RAD51B: variants seen among roughly 807,000 people sequenced by gnomAD.
RAD51B encodes RAD51 paralog B.
A neutral mutation model predicts 42.2 loss-of-function variants in RAD51B; 38 were observed. The ratio of observed to expected loss-of-function variants is 0.90; its 90% CI spans 0.70 to 1.18. The LOEUF (loss-of-function observed/expected upper bound fraction) is 1.18. Among genes scored for constraint, RAD51B ranks in the 50% most tolerant of loss-of-function variants. RAD51B has a pLI of 0.00. For synonymous variants in RAD51B, 154 were observed against 145.2 expected (o/e 1.06, Z -0.43); for missense variants, 373 against 400.7 (o/e 0.93, Z 0.59).
chr14:67,878,794 G>T (rs181952356), intron 5 of RAD51B, among the ~76,000 whole-genome samples: 1 of 152,142 alleles, frequency 6.6e-6, no homozygotes, highest in East Asian at 1.9e-4. Flanking sequence ...CCACTTCCTG[G>T]GTTCAAGCGA....
chr14:68,552,288 T>C (rs1431783599), intron 10 of RAD51B, among the ~76,000 whole-genome samples: 1 of 152,168 alleles, frequency 6.6e-6, no homozygotes, highest in African/African-American at 2.4e-5. Context: ...CTCCCAGGCA[T>C]TGGGATTGGG....
intron 7 of RAD51B, among the ~76,000 whole-genome samples, chr14:68,148,483 G>A (rs1446332224): frequency 1.3e-5 from 2 of 152,204 alleles, no homozygotes; most frequent in African/African-American, 2.4e-5. Flanking sequence ...AGCATTTGGC[G>A]ATGTCATTGC....
Position 68,188,189 on chromosome 14 carries a change from G to A in RAD51B, c.757-103695G>A, listed in dbSNP as rs371553716. Among the ~76,000 whole-genome samples, 8 of 151,660 alleles carry A rather than the reference G, an allele frequency of 5.3e-5. No homozygotes were observed. In the South Asian group the frequency reaches 1.0e-3, roughly 20 times the overall value. ...ATATTCTTTCAGAGTCATTTAGTCC[G>A]TGATTTCAGTGGTACATGTCTTACA... On this transcript the variant is annotated intron_variant, in intron 7 of 10. Coordinates refer to ENST00000471583, the MANE Select transcript of RAD51B (RefSeq NM_133510.4).
At chr14:68,578,374 G>T (rs1890059904) in intron 10 of RAD51B, among the ~76,000 whole-genome samples, 1 of 152,154 alleles carries the variant, frequency 6.6e-6, no homozygotes, top group Non-Finnish European at 1.5e-5. Context: ...TTGCACCATT[G>T]CACTCCAGCT....
chr14:68,650,022 GAC>G (rs1224958838), intron 10 of RAD51B, among the ~76,000 whole-genome samples: 2 of 152,186 alleles, frequency 1.3e-5, no homozygotes, highest in African/African-American at 4.8e-5. Context: ...TGGTCTGGGA[GAC>G]TCTAAAGTCA....
intron 10 of RAD51B, among the ~76,000 whole-genome samples, chr14:68,648,150 CACACGTATATATATATAT>C (rs1447234769): frequency 8.6e-6 from 1 of 116,132 alleles, no homozygotes; most frequent in Non-Finnish European, 1.8e-5. Context: ...TATATATACA[CACACGTATATATATATAT>C]ACACACGTAT....
At chr14:67,966,278 T>G (rs1291078135) in intron 7 of RAD51B, among the ~76,000 whole-genome samples, 1 of 152,162 alleles carries the variant, frequency 6.6e-6, no homozygotes, top group Non-Finnish European at 1.5e-5. Flanking sequence ...CCAGAGATGA[T>G]GGGTTTAAGG....
intron 7 of RAD51B, among the ~76,000 whole-genome samples, chr14:68,280,608 G>A (rs1037790265): frequency 3.3e-5 from 5 of 152,198 alleles, no homozygotes; most frequent in African/African-American, 9.6e-5. Context: ...CTTAGTGAAC[G>A]TGAGTTTCCT....
chr14:68,632,157 C>G (rs1007130442), intron 10 of RAD51B, among the ~76,000 whole-genome samples: 12 of 152,150 alleles, frequency 7.9e-5, no homozygotes, highest in Admixed American at 4.6e-4. Context: ...TTTCTAAATT[C>G]CGCTTTCTTT....
chr14:68,519,988 G>A (rs7158636), intron 10 of RAD51B, among the ~76,000 whole-genome samples: 3,858 of 152,272 alleles, frequency 0.025, 155 homozygotes, highest in African/African-American at 0.088. Flanking sequence ...CTCTGCTTTC[G>A]CCTTGTTTTG....
intron 7 of RAD51B, among the ~76,000 whole-genome samples, chr14:67,958,699 A>G (rs899754766): frequency 6.6e-6 from 1 of 152,228 alleles, no homozygotes; most frequent in African/African-American, 2.4e-5. Context: ...TAGCCAAGTG[A>G]ATAAGGTCTC....
intron 7 of RAD51B, among the ~76,000 whole-genome samples, chr14:68,286,024 A>T (rs1214193323): frequency 1.3e-5 from 2 of 152,240 alleles, no homozygotes; most frequent in Non-Finnish European, 2.9e-5. Flanking sequence ...GTTACAGTGT[A>T]GCATCTTGAC....
In RAD51B at chr14:68,507,301, T is replaced by A. The variant is rs574475366; in HGVS notation, c.1036+39051T>A. On this transcript the variant is annotated intron_variant, in intron 10 of 10. Coordinates refer to the RAD51B transcript ENST00000487270. ...GGTGTCCTCGTGTGTGTTTATGGGT[T>A]TGAAACGCATCTGGCTTGTTCTTCT... is the stretch of plus-strand genomic sequence containing the variant. Among the ~76,000 whole-genome samples the A allele has an allele frequency of 3.3e-5, 5 of 152,298 alleles. No homozygotes were observed. The South Asian group carries it at 1.0e-3, about 32-fold the overall frequency.
At chr14:68,374,132 T>G (rs192209101) in intron 8 of RAD51B, among the ~76,000 whole-genome samples, 2 of 152,224 alleles carry the variant, frequency 1.3e-5, no homozygotes, top group Non-Finnish European at 2.9e-5. Flanking sequence ...AACTCCCATA[T>G]AGTCAATCCT....
At chr14:68,431,339 C>T (rs552155274) in intron 9 of RAD51B, among the ~76,000 whole-genome samples, 1 of 152,052 alleles carries the variant, frequency 6.6e-6, no homozygotes, top group Non-Finnish European at 1.5e-5. Flanking sequence ...CCAGCTCCTT[C>T]TTGTACCTCT....
chr14:68,335,645 T>G (rs2082440881), intron 8 of RAD51B, among the ~76,000 whole-genome samples: 1 of 152,204 alleles, frequency 6.6e-6, no homozygotes, highest in Non-Finnish European at 1.5e-5. Context: ...TTCAGAGAGT[T>G]GGAAAATAGC....
chr14:68,085,856 G>C (rs1451682424), intron 7 of RAD51B, among the ~76,000 whole-genome samples: 1 of 152,156 alleles, frequency 6.6e-6, no homozygotes, highest in Non-Finnish European at 1.5e-5. Flanking sequence ...TCAGTGTCCT[G>C]CTGCTCAAAC....
At position 67,933,402 on chromosome 14, in the gene RAD51B, A is replaced by G. The variant is rs368903097; in HGVS notation, c.756+46198A>G. ...AGTCCTATGACAGCTGTGCTCTCAC[A>G]GTAGTGCTCTGCAGTAGCAGCTTAG... On this transcript the variant is annotated intron_variant, in intron 7 of 10. Coordinates refer to ENST00000471583, the MANE Select transcript of RAD51B (RefSeq NM_133510.4). 2.2e-4 allele frequency among the ~76,000 whole-genome samples: 34 copies of G among 152,262 alleles called. No individual in the cohort carries two copies. The East Asian group carries it at 6.0e-3, about 27-fold the overall frequency.
chr14:68,411,863 GT>G (rs1310738041), intron 9 of RAD51B, among the ~76,000 whole-genome samples: 6 of 152,160 alleles, frequency 3.9e-5, no homozygotes, highest in Non-Finnish European at 8.8e-5. Context: ...GGACTAATTT[GT>G]ATATGAATTA....
Sources: gnomAD v4.1 joint callset for allele counts (sites outside exome capture counted in the v4.1 genomes callset) on GRCh38, gnomAD v4.1.1 for gene constraint, MANE v1.5 for transcripts, NCBI Gene and HGNC (gene_info 2026-07-23, HGNC 2026-07-21) for gene names.